HTR2C: variants seen among roughly 807,000 people sequenced by gnomAD.
HTR2C encodes 5-hydroxytryptamine receptor 2C.
Under a neutral mutation model 21.0 loss-of-function variants are expected in HTR2C, and 5 were observed. The ratio of observed to expected loss-of-function variants is 0.24; its 90% CI spans 0.12 to 0.50. HTR2C has a LOEUF of 0.50. Ranked by LOEUF, HTR2C falls within the 20% of genes least tolerant of loss-of-function variation. The pLI, the probability that HTR2C is intolerant of heterozygous loss-of-function variation, is 0.98. For missense variants in HTR2C, 271 were observed against 371.2 expected (o/e 0.73, Z 2.22); for synonymous variants, 150 against 145.3 (o/e 1.03, Z -0.23).
At chrX:114,711,949 C>A (rs1444145907) in intron 2 of HTR2C, among the ~76,000 whole-genome samples, 3 of 111,427 alleles carry the variant, frequency 2.7e-5, no homozygotes, top group African/African-American at 9.8e-5. Flanking sequence ...TGTATCAATT[C>A]TTTATATCAA....
intron 4 of HTR2C, among the ~76,000 whole-genome samples, chrX:114,742,017 T>A (rs988209461): frequency 1.8e-5 from 2 of 110,388 alleles, no homozygotes; most frequent in African/African-American, 6.6e-5. Context: ...ACAAAAGGAG[T>A]CTCTATGGTC....
At chrX:114,867,570 A>T (rs1380554166) in intron 5 of HTR2C, among the ~76,000 whole-genome samples, 2 of 111,326 alleles carry the variant, frequency 1.8e-5, no homozygotes, top group Non-Finnish European at 3.8e-5. Flanking sequence ...ATTGCTTAAG[A>T]AATCTTTGCC....
chrX:114,810,646 G>A (rs1388185033), intron 4 of HTR2C, among the ~76,000 whole-genome samples: 1 of 109,496 alleles, frequency 9.1e-6, no homozygotes, highest in Non-Finnish European at 1.9e-5. Flanking sequence ...GGCAGTGGTG[G>A]TGGTGTAGGC....
chrX:114,676,910 G>A (rs1193231068), intron 2 of HTR2C, among the ~76,000 whole-genome samples: 7 of 112,114 alleles, frequency 6.2e-5, no homozygotes, highest in Admixed American at 2.8e-4. Context: ...AGCAAGATTT[G>A]CTTACTTGAA....
intron 2 of HTR2C, among the ~76,000 whole-genome samples, chrX:114,643,692 C>T (rs1930222585): frequency 9.0e-6 from 1 of 111,546 alleles, no homozygotes; most frequent in African/African-American, 3.3e-5. Flanking sequence ...CTTGCATGGG[C>T]TGACAGTTAT....
At chrX:114,849,874 T>C (rs2070902689) in intron 5 of HTR2C, among the ~76,000 whole-genome samples, 1 of 111,988 alleles carries the variant, frequency 8.9e-6, no homozygotes, top group African/African-American at 3.2e-5. Flanking sequence ...AATACAATGA[T>C]ATGCAGATAT....
chrX:114,742,439 A>G lies in HTR2C; in HGVS notation c.349+10832A>G, dbSNP rs368882343. The stretch of plus-strand genomic sequence containing the variant: ...AGCCAAGGTTATGAAAACAAAATAC[A>G]TTGAATCCACTCACCACAGAGGCAA... On this transcript the variant is annotated intron_variant, in intron 4 of 5. Transcript: ENST00000276198. Among the ~76,000 whole-genome samples, 18 of 111,382 alleles carry G rather than the reference A, an allele frequency of 1.6e-4. No individual in the cohort carries two copies. The East Asian group carries it at 4.3e-3, about 26-fold the overall frequency.
chrX:114,794,450 T>C (rs1179351599), intron 4 of HTR2C, among the ~76,000 whole-genome samples: 1 of 108,013 alleles, frequency 9.3e-6, no homozygotes, highest in Admixed American at 1.0e-4. Flanking sequence ...TATGTATACA[T>C]GTGCCATGTT....
Position 114,759,657 on chromosome X carries a change from C to T in HTR2C, c.349+28050C>T, listed in dbSNP as rs782434068. 6.2e-4 allele frequency among the ~76,000 whole-genome samples: 69 copies of T among 110,900 alleles called. 1 individual carries two copies. Among genetic ancestry groups the T allele is most frequent in the African/African-American group, 2.2e-3 (66 of 30,529 alleles). Reference sequence around the variant, plus strand: ...AATATTTACATCATCTTTAACTTTCCACGGGGCCCCAATTCGTCAATCTCA... The same window carrying T: ...AATATTTACATCATCTTTAACTTTCTACGGGGCCCCAATTCGTCAATCTCA... On this transcript the variant is annotated intron_variant, in intron 4 of 5. Coordinates refer to ENST00000276198, the MANE Select transcript of HTR2C (RefSeq NM_000868.4).
At chrX:114,820,820 CTCGGGTA>C (rs1325559870) in intron 4 of HTR2C, among the ~76,000 whole-genome samples, 1 of 110,988 alleles carries the variant, frequency 9.0e-6, no homozygotes, top group African/African-American at 3.3e-5. Flanking sequence ...ACTTCCCAGT[CTCGGGTA>C]TGTCTTTAGC....
chrX:114,775,566 C>T (rs2070049012), intron 4 of HTR2C: 1 of 496,172 alleles, frequency 2.0e-6, no homozygotes, highest in South Asian at 2.5e-5. Context: ...ACTCCACCAG[C>T]AAGTTCAATA....
At chrX:114,653,279 G>C (rs1276084845) in intron 2 of HTR2C, among the ~76,000 whole-genome samples, 1 of 110,359 alleles carries the variant, frequency 9.1e-6, no homozygotes, top group Admixed American at 9.7e-5. Context: ...AATAACTTCA[G>C]TTATGTCTAA....
At chrX:114,676,034 T>G (rs1324541448) in intron 2 of HTR2C, among the ~76,000 whole-genome samples, 3 of 110,048 alleles carry the variant, frequency 2.7e-5, no homozygotes, top group African/African-American at 9.9e-5. Context: ...CACAACCAGC[T>G]AATTTTTGTA....
At chrX:114,847,648 G>A (rs782154000) in intron 4 of HTR2C, among the ~76,000 whole-genome samples, 1 of 110,048 alleles carries the variant, frequency 9.1e-6, no homozygotes, top group Admixed American at 9.7e-5. Context: ...GTTGATGGGA[G>A]AATGGGAAGT....
chrX:114,861,844 A>G (rs1442209492), intron 5 of HTR2C, among the ~76,000 whole-genome samples: 1 of 111,233 alleles, frequency 9.0e-6, no homozygotes, highest in African/African-American at 3.3e-5. Context: ...TTTTTCCATT[A>G]TTGTGTGAAC....
At chrX:114,753,410 A>G (rs1189944332) in intron 4 of HTR2C, among the ~76,000 whole-genome samples, 4 of 112,119 alleles carry the variant, frequency 3.6e-5, no homozygotes, top group Middle Eastern at 4.2e-3. Flanking sequence ...CAGCAGTCAT[A>G]GGAAACTAAT....
At chrX:114,827,755 C>A (rs144182768) in intron 4 of HTR2C, among the ~76,000 whole-genome samples, 35 of 111,338 alleles carry the variant, frequency 3.1e-4, no homozygotes, top group African/African-American at 1.1e-3. Context: ...TATATTTCCA[C>A]TGGATATGGA....
intron 4 of HTR2C, among the ~76,000 whole-genome samples, chrX:114,773,403 C>T (rs1005825762): frequency 5.4e-5 from 6 of 111,898 alleles, no homozygotes; most frequent in Non-Finnish European, 9.4e-5. Context: ...AGCAAAATAG[C>T]GTATTGTGAT....
At chrX:114,853,577 C>T (rs2070936955) in intron 5 of HTR2C, among the ~76,000 whole-genome samples, 2 of 111,743 alleles carry the variant, frequency 1.8e-5, no homozygotes, top group Non-Finnish European at 3.8e-5. Flanking sequence ...TCCATTGTCT[C>T]ATGCTATTTA....
Sources: allele counts gnomAD v4.1 joint callset (sites outside exome capture counted in the v4.1 genomes callset), GRCh38; gene constraint gnomAD v4.1.1; transcripts MANE v1.5; gene names NCBI Gene and HGNC (gene_info 2026-07-23, HGNC 2026-07-21).